The following CNTN4 variants were observed in gnomAD, a reference collection of about 807,000 sequenced individuals.
The protein encoded by CNTN4 is contactin 4.
In CNTN4, 77 loss-of-function variants were observed where a neutral mutation model predicts 122.5. That is an observed-to-expected ratio of 0.63 (90% CI 0.52 to 0.76). The LOEUF (loss-of-function observed/expected upper bound fraction) is 0.76, where lower values mean the gene tolerates loss of function less well. CNTN4 is among the 30% of genes least tolerant of loss of function. The probability of loss-of-function intolerance (pLI) is 0.00; values close to 1 mark genes in which losing one functional copy is unlikely to be tolerated. For missense variants in CNTN4, 1,256 were observed against 1,259.1 expected (o/e 1.00, Z 0.04); for synonymous variants, 512 against 447.0 (o/e 1.15, Z -1.83).
intron 4 of CNTN4, among the ~76,000 whole-genome samples, chr3:2,700,268 T>C (rs971164398): frequency 8.5e-5 from 13 of 152,292 alleles, no homozygotes; most frequent in African/African-American, 3.1e-4. Flanking sequence ...GTTCTCTCAT[T>C]CTAGAGATAG....
At position 2,241,720 on chromosome 3, in the gene CNTN4, C is replaced by G. The variant is rs139321392; in HGVS notation, c.-144-97458C>G. On this transcript the variant is annotated intron_variant, in intron 2 of 24. Coordinates refer to ENST00000418658, the MANE Select transcript of CNTN4 (RefSeq NM_175607.3). ...TGCCTCCCAATTAGACTGTGTACTT[C>G]TCTTCCCCATGTTCCCTCCTTTGAC... is the stretch of plus-strand genomic sequence containing the variant. Among the ~76,000 whole-genome samples, 374 of 152,296 alleles carry G rather than the reference C, an allele frequency of 2.5e-3. 1 individual carries two copies. Among genetic ancestry groups the G allele is most frequent in the African/African-American group, 8.8e-3 (364 of 41,574 alleles).
Position 3,037,224 on chromosome 3 carries a change from G to C in CNTN4, c.1988G>C (p.Gly663Ala). ...AAGACATTCACAGCGACCGTGGTGG[G>C]TTTGAACCCTTGGGTTGAATATGAA... ...DGKTFTATVV[G>A]LNPWVEYEFR... is the part of the protein sequence containing the mutation. The change falls in exon 18 of 25, where the codon GGT becomes GCT. Residue 663 changes from glycine to alanine, a missense_variant. Gly to Ala is a moderately conservative substitution (Grantham distance 60). Coordinates refer to ENST00000418658, the MANE Select transcript of CNTN4 (RefSeq NM_175607.3). 1.2e-6 allele frequency: 2 copies of C among 1,614,202 alleles called. No homozygotes were observed. The highest frequency in any genetic ancestry group is 1.7e-6 in the Non-Finnish European group (2 of 1,180,032).
At chr3:2,704,374 T>G (rs1316485996) in intron 4 of CNTN4, among the ~76,000 whole-genome samples, 1 of 149,592 alleles carries the variant, frequency 6.7e-6, no homozygotes, top group Non-Finnish European at 1.5e-5. Context: ...AAGACCCCTT[T>G]AAAGTAAATA....
chr3:2,308,047 A>T (rs1480917558), intron 2 of CNTN4, among the ~76,000 whole-genome samples: 2 of 152,084 alleles, frequency 1.3e-5, no homozygotes, highest in African/African-American at 4.8e-5. Context: ...TTTTATGAGA[A>T]GTTTCTTGAT....
chr3:2,532,487 A>G (rs2077634275), intron 3 of CNTN4, among the ~76,000 whole-genome samples: 1 of 152,190 alleles, frequency 6.6e-6, no homozygotes, highest in African/African-American at 2.4e-5. Flanking sequence ...AACAAAAAAT[A>G]AAAATAGTAG....
rs546611794 is a variant in CNTN4, at chr3:2,310,958, TA to T, written c.-144-28217del. On this transcript the variant is annotated intron_variant, in intron 2 of 24. Coordinates refer to ENST00000418658, the MANE Select transcript of CNTN4 (RefSeq NM_175607.3). ...TTTTGAAAATTTCACATTTGATTTA[TA>T]AACAAAAAGACTCCCTTGACTTTAT... Among the ~76,000 whole-genome samples, 970 of 152,236 alleles carry T rather than the reference TA, an allele frequency of 6.4e-3. 8 individuals carry two copies. Among genetic ancestry groups the T allele is most frequent in the Middle Eastern group, 0.024 (7 of 294 alleles).
In CNTN4 at chr3:3,040,018, C is replaced by T. The variant is rs1158558220; in HGVS notation, c.2164-19C>T. Reference sequence around the variant, plus strand: ...TGAAACTACTGTGATTTCTGAAGACCACCTTCCTTCTTTCCCAGACGGTCC... The same window carrying T: ...TGAAACTACTGTGATTTCTGAAGACTACCTTCCTTCTTTCCCAGACGGTCC... On this transcript the variant is annotated intron_variant, in intron 19 of 24. Coordinates refer to ENST00000418658, the MANE Select transcript of CNTN4 (RefSeq NM_175607.3). 2.6e-6 allele frequency: 4 copies of T among 1,546,036 alleles called. No homozygotes were observed. Among genetic ancestry groups the T allele is most frequent in the Admixed American group, 1.7e-5 (1 of 59,934 alleles).
intron 6 of CNTN4, among the ~76,000 whole-genome samples, chr3:2,814,728 G>A (rs1296896004): frequency 6.6e-6 from 1 of 152,224 alleles, no homozygotes; most frequent in Non-Finnish European, 1.5e-5. Context: ...CTTCAGAGCA[G>A]TAACTTTGGA....
rs1260494361 is a variant in CNTN4, at chr3:2,344,278, A to T, written c.-89+5045A>T. Reference sequence around the variant, plus strand: ...CTGCCAAGGCCAAAGGCCAGGTCAAATTTTTTTTTTTTTTTTAGATGGCAT... The same window carrying T: ...CTGCCAAGGCCAAAGGCCAGGTCAATTTTTTTTTTTTTTTTTAGATGGCAT... On this transcript the variant is annotated intron_variant, in intron 3 of 24. Transcript: ENST00000418658. Among the ~76,000 whole-genome samples, 9 of 145,938 alleles carry T rather than the reference A, an allele frequency of 6.2e-5. No individual in the cohort carries two copies. The East Asian group carries it at 8.1e-4, about 13-fold the overall frequency.
At chr3:3,036,589 C>T (rs958007033) in intron 17 of CNTN4, among the ~76,000 whole-genome samples, 2 of 144,034 alleles carry the variant, frequency 1.4e-5, no homozygotes, top group African/African-American at 5.2e-5. Flanking sequence ...GAGGCGAAAT[C>T]CCGTCTCTAC....
chr3:2,784,379 C>T (rs945440596), intron 6 of CNTN4, among the ~76,000 whole-genome samples: 1 of 152,202 alleles, frequency 6.6e-6, no homozygotes, highest in African/African-American at 2.4e-5. Flanking sequence ...TGCGCACCTC[C>T]ACATCCGTTT....
chr3:2,238,972 G>C (rs557396320), intron 2 of CNTN4: 6 of 148,614 alleles, frequency 4.0e-5, no homozygotes, highest in Admixed American at 3.4e-4. Flanking sequence ...TGATCCGCCC[G>C]CCTCGGCCTC....
chr3:2,486,048 T>C (rs1166649199), intron 3 of CNTN4, among the ~76,000 whole-genome samples: 2 of 152,104 alleles, frequency 1.3e-5, no homozygotes, highest in Non-Finnish European at 2.9e-5. Flanking sequence ...CTTTGAGCTG[T>C]AACATTCATC....
At chr3:2,377,407 C>G (rs973669442) in intron 3 of CNTN4, among the ~76,000 whole-genome samples, 1 of 152,172 alleles carries the variant, frequency 6.6e-6, no homozygotes, top group Non-Finnish European at 1.5e-5. Flanking sequence ...TCTCTAGCTT[C>G]CTCACCCACA....
chr3:2,945,913 A>G (rs1048249160), intron 13 of CNTN4, among the ~76,000 whole-genome samples: 3 of 152,230 alleles, frequency 2.0e-5, no homozygotes, highest in African/African-American at 7.2e-5. Context: ...GGAATTTTTC[A>G]AAAGTGAGAT....
intron 3 of CNTN4, among the ~76,000 whole-genome samples, chr3:2,486,480 A>G (rs992678894): frequency 6.6e-6 from 1 of 152,240 alleles, no homozygotes; most frequent in African/African-American, 2.4e-5. Context: ...TTAATATGAT[A>G]GTGAAAAACA....
At chr3:2,889,113 A>G (rs918871170) in intron 10 of CNTN4, among the ~76,000 whole-genome samples, 2 of 152,202 alleles carry the variant, frequency 1.3e-5, no homozygotes, top group African/African-American at 4.8e-5. Context: ...TAATCACGTA[A>G]CATTTTTTAA....
rs530214289 is a variant in CNTN4, at chr3:2,697,878, G to A, written c.56-38337G>A. 3.3e-5 allele frequency among the ~76,000 whole-genome samples: 5 copies of A among 152,246 alleles called. No homozygotes were observed. The East Asian group carries it at 7.7e-4, about 24-fold the overall frequency. ...CTGGAGGGAGAATTCCTTCTTCAGG[G>A]ATCTCAGTCTTTTAAGACTTTAAAC... is the stretch of plus-strand genomic sequence containing the variant. On this transcript the variant is annotated intron_variant, in intron 4 of 24. Transcript: ENST00000418658.
At chr3:2,317,547 T>G (rs1449725684) in intron 2 of CNTN4, among the ~76,000 whole-genome samples, 1 of 152,174 alleles carries the variant, frequency 6.6e-6, no homozygotes, top group Non-Finnish European at 1.5e-5. Context: ...TACCCATTGG[T>G]TCGTTGTGCA....
Sources: allele counts gnomAD v4.1 joint callset (sites outside exome capture counted in the v4.1 genomes callset), GRCh38; gene constraint gnomAD v4.1.1; transcripts MANE v1.5; gene names NCBI Gene and HGNC (gene_info 2026-07-23, HGNC 2026-07-21).